The following SLC8A1 variants were observed in gnomAD, a reference collection of about 807,000 sequenced individuals.
SLC8A1 encodes the protein sodium/calcium exchanger 1.
A neutral mutation model predicts 68.3 loss-of-function variants in SLC8A1; 18 were observed. The ratio of observed to expected loss-of-function variants is 0.26; its 90% confidence interval spans 0.18 to 0.39. The LOEUF (loss-of-function observed/expected upper bound fraction) is 0.39. Ranked by LOEUF, SLC8A1 falls within the 10% of genes least tolerant of loss-of-function variation. The pLI is 1.00. For missense variants in SLC8A1, 985 were observed against 1,156.7 expected, an observed-to-expected ratio of 0.85 and a Z score of 2.15; for synonymous variants, 475 against 415.5, an observed-to-expected ratio of 1.14 and a Z score of -1.74.
At position 40,284,452 on chromosome 2, in the gene SLC8A1, T is replaced by C. The variant is rs1007341876; in HGVS notation, c.1809-106597A>G. Among the ~76,000 whole-genome samples the C allele has an allele frequency of 2.0e-5, 3 of 147,050 alleles. No homozygotes were observed. The Admixed American group carries it at 2.1e-4, about 10-fold the overall frequency. ...ATCTATATATCTATATATAAATGTATATCTATAGATATATATCTATAGATA... is the reference window on the plus strand; with the variant it reads ...ATCTATATATCTATATATAAATGTACATCTATAGATATATATCTATAGATA... On this transcript the variant is annotated intron_variant, in intron 2 of 7. Coordinates refer to ENST00000406785, the Ensembl canonical transcript of SLC8A1.
At chr2:40,307,144 TATAC>T (rs919876927) in intron 2 of SLC8A1, among the ~76,000 whole-genome samples, 2 of 101,130 alleles carry the variant, frequency 2.0e-5, no homozygotes, top group African/African-American at 4.3e-5. Context: ...GAAAATGTGA[TATAC>T]ACACACACAC....
intron 1 of SLC8A1, among the ~76,000 whole-genome samples, chr2:40,479,299 A>C (rs1373940312): frequency 2.0e-5 from 3 of 152,222 alleles, no homozygotes; most frequent in Admixed American, 1.3e-4. Flanking sequence ...TGTAACTTCA[A>C]CTTCTAAATT....
intron 2 of SLC8A1, among the ~76,000 whole-genome samples, chr2:40,203,711 G>C (rs983339403): frequency 2.0e-5 from 3 of 151,850 alleles, no homozygotes; most frequent in African/African-American, 4.8e-5. Context: ...TATGGTGAGG[G>C]TTATTTTATT....
intron 1 of SLC8A1, among the ~76,000 whole-genome samples, chr2:40,472,370 C>T (rs910685087): frequency 1.8e-4 from 28 of 152,102 alleles, no homozygotes; most frequent in Admixed American, 2.0e-4. Flanking sequence ...TGAGAACACA[C>T]ATGACAAACA....
exon 6 of SLC8A1, chr2:40,160,850 T>C (rs1558572849): frequency 1.2e-6 from 2 of 1,612,596 alleles, no homozygotes; most frequent in Non-Finnish European, 1.7e-6. Context: ...TCTTAATGAG[T>C]TTGTCCACAG....
At chr2:40,277,845 T>C (rs2066971906) in intron 2 of SLC8A1, among the ~76,000 whole-genome samples, 1 of 142,120 alleles carries the variant, frequency 7.0e-6, no homozygotes, top group South Asian at 2.2e-4. Context: ...TAACATATGG[T>C]TGCTTACTAT....
intron 7 of SLC8A1, among the ~76,000 whole-genome samples, chr2:40,135,772 G>A (rs2040393615): frequency 6.6e-6 from 1 of 152,032 alleles, no homozygotes; most frequent in Admixed American, 6.6e-5. Flanking sequence ...TTGACCATGG[G>A]GAGGAGAAAA....
intron 2 of SLC8A1, among the ~76,000 whole-genome samples, chr2:40,231,403 A>G (rs924288736): frequency 6.6e-6 from 1 of 152,106 alleles, no homozygotes; most frequent in South Asian, 2.1e-4. Context: ...CAGGATTTCA[A>G]ATCTTCCCAT....
intron 7 of SLC8A1, among the ~76,000 whole-genome samples, chr2:40,116,276 T>C (rs1451880088): frequency 4.6e-5 from 7 of 152,226 alleles, no homozygotes; most frequent in Admixed American, 4.6e-4. Context: ...CAGATTCAGC[T>C]ATATTACTGC....
chr2:40,446,589 G>A (rs1480668321), intron 1 of SLC8A1: 6 of 152,220 alleles, frequency 3.9e-5, no homozygotes, highest in African/African-American at 1.4e-4. Context: ...CAGTTGCAGT[G>A]GAGTGATCTT....
intron 2 of SLC8A1, among the ~76,000 whole-genome samples, chr2:40,200,249 T>TATAAAA (rs1553408010): frequency 3.7e-5 from 1 of 26,990 alleles, no homozygotes; most frequent in African/African-American, 8.8e-5. Context: ...AATATATATA[T>TATAAAA]ATATATATAT....
chr2:40,431,363 G>A (rs770823723), intron 1 of SLC8A1, among the ~76,000 whole-genome samples: 22 of 152,034 alleles, frequency 1.4e-4, no homozygotes, highest in Non-Finnish European at 2.8e-4. Flanking sequence ...AGCTCATGTG[G>A]CATGACAAGA....
intron 2 of SLC8A1, among the ~76,000 whole-genome samples, chr2:40,391,771 G>A (rs1254723928): frequency 1.3e-5 from 2 of 151,978 alleles, no homozygotes; most frequent in Non-Finnish European, 1.5e-5. Flanking sequence ...CGTGTCAGAT[G>A]ACAAAATAAA....
chr2:40,254,774 AT>A (rs1184355588), intron 2 of SLC8A1: 1 of 152,110 alleles, frequency 6.6e-6, no homozygotes, highest in Non-Finnish European at 1.5e-5. Context: ...GTTTCTGTTC[AT>A]TTTCACAAGA....
chr2:40,459,505 T>C (rs969517402), intron 1 of SLC8A1, among the ~76,000 whole-genome samples: 1 of 152,214 alleles, frequency 6.6e-6, no homozygotes, highest in African/African-American at 2.4e-5. Flanking sequence ...CCACTGCGTT[T>C]TGGAGCATAT....
chr2:40,251,980 T>G (rs1206217102), intron 2 of SLC8A1, among the ~76,000 whole-genome samples: 1 of 151,690 alleles, frequency 6.6e-6, no homozygotes, highest in Non-Finnish European at 1.5e-5. Flanking sequence ...ATTATAAAGT[T>G]TAGTGAGAAA....
intron 2 of SLC8A1, among the ~76,000 whole-genome samples, chr2:40,398,438 A>G (rs1417194658): frequency 6.6e-6 from 1 of 152,226 alleles, no homozygotes; most frequent in African/African-American, 2.4e-5. Flanking sequence ...AATTTTAAGT[A>G]ACTTAAAGAA....
At chr2:40,444,915 TA>T (rs1701161741) in intron 1 of SLC8A1, among the ~76,000 whole-genome samples, 1 of 152,202 alleles carries the variant, frequency 6.6e-6, no homozygotes, top group African/African-American at 2.4e-5. Context: ...ATCTTCGGTA[TA>T]TGCCATTTTG....
chr2:40,203,806 A>C (rs1467910356), intron 2 of SLC8A1, among the ~76,000 whole-genome samples: 1 of 151,906 alleles, frequency 6.6e-6, no homozygotes, highest in East Asian at 1.9e-4. Flanking sequence ...TCTGGGCTCA[A>C]ATGATCCTCT....
Sources: gnomAD v4.1 joint callset for allele counts (sites outside exome capture counted in the v4.1 genomes callset) on GRCh38, gnomAD v4.1.1 for gene constraint, MANE v1.5 for transcripts, NCBI Gene and HGNC (gene_info 2026-07-23, HGNC 2026-07-21) for gene names.